Variants in EBF2 observed in about 807,000 individuals in gnomAD.
The protein encoded by EBF2 is EBF transcription factor 2.
A neutral mutation model predicts 72.8 loss-of-function variants in EBF2; 21 were observed. That is an observed-to-expected ratio of 0.29 (90% CI 0.20 to 0.42). The LOEUF is 0.42. Among genes scored for constraint, EBF2 ranks in the 10% least tolerant of loss-of-function variants. EBF2 has a pLI of 1.00. For synonymous variants in EBF2, 299 were observed against 274.2 expected (o/e 1.09, Z -0.89); for missense variants, 637 against 731.2 (o/e 0.87, Z 1.49).
chr8:25,919,713 T>C (rs1585195521), intron 6 of EBF2, among the ~76,000 whole-genome samples: 1 of 152,306 alleles, frequency 6.6e-6, no homozygotes, highest in East Asian at 1.9e-4. Flanking sequence ...TCGGAGGCTG[T>C]TGGCCAAAGC....
intron 2 of EBF2, among the ~76,000 whole-genome samples, 176 bp downstream of exon 2, chr8:26,041,918 CG>C (rs1453778362): frequency 3.3e-5 from 5 of 151,888 alleles, no homozygotes; most frequent in Non-Finnish European, 7.4e-5. Flanking sequence ...TTGGGGGAGT[CG>C]GGGTGGGAGG....
intron 6 of EBF2, among the ~76,000 whole-genome samples, chr8:25,945,096 C>CG (rs397770917): frequency 4.1e-5 from 6 of 145,758 alleles, no homozygotes; most frequent in African/African-American, 1.0e-4. Flanking sequence ...TTGCCCCCCC[C>CG]GCCCCACCCC....
intron 6 of EBF2, among the ~76,000 whole-genome samples, chr8:25,927,011 A>C (rs1269429844): frequency 6.6e-6 from 1 of 152,204 alleles, no homozygotes; most frequent in Non-Finnish European, 1.5e-5. Context: ...GCTGGGTTCT[A>C]GCACCCAGTT....
At chr8:26,022,633 C>T (rs1805221569) in intron 6 of EBF2, among the ~76,000 whole-genome samples, 1 of 152,194 alleles carries the variant, frequency 6.6e-6, no homozygotes, top group Admixed American at 6.5e-5. Context: ...AGGAATTTCT[C>T]CCCTTATTTC....
At chr8:26,012,865 T>C (rs1805049105) in intron 6 of EBF2, among the ~76,000 whole-genome samples, 1 of 152,184 alleles carries the variant, frequency 6.6e-6, no homozygotes. Context: ...GTGCAGGCCT[T>C]CTGTTATCCA....
chr8:25,917,846 C>G (rs1803250591), intron 6 of EBF2, among the ~76,000 whole-genome samples: 2 of 152,164 alleles, frequency 1.3e-5, no homozygotes, highest in African/African-American at 4.8e-5. Context: ...GAGCCCTTTG[C>G]TGCTGCCTGG....
At chr8:25,949,918 A>C (rs1365629765) in intron 6 of EBF2, among the ~76,000 whole-genome samples, 1 of 152,246 alleles carries the variant, frequency 6.6e-6, no homozygotes, top group Non-Finnish European at 1.5e-5. Flanking sequence ...GTTTTAAATC[A>C]GGTAAGGGCT....
chr8:26,012,599 G>T (rs1215341536), intron 6 of EBF2, among the ~76,000 whole-genome samples: 1 of 152,200 alleles, frequency 6.6e-6, no homozygotes, highest in Non-Finnish European at 1.5e-5. Flanking sequence ...TGAAGTGTGT[G>T]CAGAGATGGG....
At chr8:26,024,086 T>A (rs961701199) in intron 6 of EBF2, among the ~76,000 whole-genome samples, 1 of 152,194 alleles carries the variant, frequency 6.6e-6, no homozygotes, top group South Asian at 2.1e-4. Context: ...TTACTGTCTC[T>A]CGTCACATGT....
At chr8:25,855,110 T>A (rs1175467488) in intron 14 of EBF2, among the ~76,000 whole-genome samples, 1 of 152,222 alleles carries the variant, frequency 6.6e-6, no homozygotes, top group East Asian at 1.9e-4. Flanking sequence ...GAGGCCAAAG[T>A]AAAGAAAAGT....
At chr8:26,000,701 G>A (rs959311044) in intron 6 of EBF2, among the ~76,000 whole-genome samples, 1 of 152,200 alleles carries the variant, frequency 6.6e-6, no homozygotes, top group African/African-American at 2.4e-5. Context: ...TAACGCATTA[G>A]TTAAGCAAAC....
chr8:25,855,020 C>A (rs574297918), intron 14 of EBF2, among the ~76,000 whole-genome samples: 1 of 152,110 alleles, frequency 6.6e-6, no homozygotes, highest in Non-Finnish European at 1.5e-5. Context: ...TTTGGGACTG[C>A]AGAGAGAACC....
At chr8:26,022,872 T>C (rs1199731568) in intron 6 of EBF2, among the ~76,000 whole-genome samples, 1 of 152,192 alleles carries the variant, frequency 6.6e-6, no homozygotes, top group African/African-American at 2.4e-5. Context: ...GAGCCTCTCA[T>C]CACTCAGCTA....
intron 10 of EBF2, among the ~76,000 whole-genome samples, chr8:25,866,494 A>G (rs1342867583): frequency 7.3e-6 from 1 of 136,434 alleles, no homozygotes; most frequent in Non-Finnish European, 1.5e-5. Flanking sequence ...AATATATAAT[A>G]TATATAATAT....
chr8:25,995,702 G>A (rs1398742786), intron 6 of EBF2, among the ~76,000 whole-genome samples: 1 of 151,896 alleles, frequency 6.6e-6, no homozygotes, highest in African/African-American at 2.4e-5. Context: ...AGATGTATAA[G>A]GGATTATGAG....
intron 6 of EBF2, among the ~76,000 whole-genome samples, chr8:26,017,099 T>C (rs1805122792): frequency 6.6e-6 from 1 of 151,130 alleles, no homozygotes; most frequent in Admixed American, 6.6e-5. Context: ...CAGTATCTAA[T>C]GCCTGTACAC....
intron 6 of EBF2, among the ~76,000 whole-genome samples, chr8:25,986,962 C>T (rs1231533030): frequency 1.3e-5 from 2 of 152,230 alleles, no homozygotes; most frequent in Admixed American, 6.5e-5. Context: ...CCCTCACCCC[C>T]ATCAGCTCTG....
Position 25,861,102 on chromosome 8 carries a change from T to C in EBF2, c.1289A>G (p.Tyr430Cys), listed in dbSNP as rs747298929. 2.5e-6 allele frequency: 4 copies of C among 1,614,096 alleles called. No homozygotes were observed. Among genetic ancestry groups the C allele is most frequent in the South Asian group, 1.1e-5 (1 of 91,076 alleles). The part of the protein sequence containing the change: ...AHSGMMGINS[Y>C]GSQLGVSISE... The stretch of plus-strand genomic sequence containing the variant: ...GATGCTGACCCCAAGCTGGCTGCCA[T>C]AGGAGTTGATTCCCATCATGCCACT... Residue 430 changes from tyrosine (Y) to cysteine (C), a missense_variant, in exon 13 of 16, where the codon TAT (tyrosine) becomes TGT (cysteine). Physicochemically the swap from Tyr to Cys is radical, Grantham distance 194. Coordinates refer to ENST00000520164, the MANE Select transcript of EBF2 (RefSeq NM_022659.4).
chr8:26,029,645 A>G (rs140945051), intron 6 of EBF2, among the ~76,000 whole-genome samples: 2 of 152,338 alleles, frequency 1.3e-5, no homozygotes, highest in East Asian at 1.9e-4. Context: ...AAAGACAGAC[A>G]GTGTAAATTA....
Sources: allele counts gnomAD v4.1 joint callset (sites outside exome capture counted in the v4.1 genomes callset), GRCh38; gene constraint gnomAD v4.1.1; transcripts MANE v1.5; gene names NCBI Gene and HGNC (gene_info 2026-07-23, HGNC 2026-07-21).